Variants in SSBP2 observed in about 807,000 individuals in gnomAD.
SSBP2 encodes the protein single stranded DNA binding protein 2, also known as single-stranded DNA-binding protein 2.
A neutral mutation model predicts 61.8 loss-of-function variants in SSBP2; 17 were observed. The ratio of observed to expected loss-of-function variants is 0.28; its 90% CI spans 0.19 to 0.41. The LOEUF is 0.41. SSBP2 is among the 10% of genes least tolerant of loss of function. The pLI, the probability that SSBP2 is intolerant of heterozygous loss-of-function variation, is 1.00. For missense variants in SSBP2, 310 were observed against 458.7 expected (o/e 0.68, Z 2.96); for synonymous variants, 139 against 141.3 (o/e 0.98, Z 0.12).
chr5:81,537,107 C>T (rs899790906), intron 4 of SSBP2, among the ~76,000 whole-genome samples: 1 of 152,044 alleles, frequency 6.6e-6, no homozygotes, highest in African/African-American at 2.4e-5. Context: ...AGTTGACTTT[C>T]TCCAAAAAAG....
At chr5:81,526,545 A>C (rs1296059418) in intron 4 of SSBP2, among the ~76,000 whole-genome samples, 2 of 152,024 alleles carry the variant, frequency 1.3e-5, no homozygotes, top group African/African-American at 4.8e-5. Flanking sequence ...TTTGAAGTAA[A>C]AAATTTAAAT....
intron 1 of SSBP2, among the ~76,000 whole-genome samples, chr5:81,668,311 A>T (rs2153777404): frequency 6.6e-6 from 1 of 151,404 alleles, no homozygotes; most frequent in South Asian, 2.1e-4. Context: ...AATAAATTTT[A>T]ATTGTTCAGT....
chr5:81,734,463 G>C (rs753152829), intron 1 of SSBP2, among the ~76,000 whole-genome samples: 1 of 152,098 alleles, frequency 6.6e-6, no homozygotes, highest in Non-Finnish European at 1.5e-5. Context: ...TCCTAGACTT[G>C]TCAGAAGACA....
At chr5:81,686,340 A>G (rs1239937497) in intron 1 of SSBP2, among the ~76,000 whole-genome samples, 1 of 152,238 alleles carries the variant, frequency 6.6e-6, no homozygotes, top group African/African-American at 2.4e-5. Flanking sequence ...ATAAAATGTA[A>G]TATTTACTAA....
intron 4 of SSBP2, among the ~76,000 whole-genome samples, chr5:81,606,587 C>T (rs1034858678): frequency 8.5e-5 from 13 of 152,202 alleles, no homozygotes; most frequent in Non-Finnish European, 5.9e-5. Context: ...CTCCCCATAA[C>T]TTCCTAAATA....
chr5:81,738,464 G>C (rs1412068722), intron 1 of SSBP2, among the ~76,000 whole-genome samples: 1 of 152,088 alleles, frequency 6.6e-6, no homozygotes, highest in African/African-American at 2.4e-5. Flanking sequence ...CTCCAGCCTA[G>C]ACTTCTTCCA....
chr5:81,584,763 A>G (rs1774935341), intron 4 of SSBP2, among the ~76,000 whole-genome samples: 1 of 152,184 alleles, frequency 6.6e-6, no homozygotes. Context: ...TGAGGAAGAT[A>G]CATAATATTT....
intron 2 of SSBP2, among the ~76,000 whole-genome samples, chr5:81,646,069 T>C (rs546759594): frequency 9.7e-4 from 147 of 152,284 alleles, no homozygotes; most frequent in African/African-American, 3.4e-3. Context: ...AAAATCAAGA[T>C]TGGGCAGCTG....
chr5:81,583,280 T>A (rs972976009), intron 4 of SSBP2, among the ~76,000 whole-genome samples: 1 of 151,932 alleles, frequency 6.6e-6, no homozygotes, highest in Non-Finnish European at 1.5e-5. Flanking sequence ...GAAAACTAAT[T>A]ACATCAAATA....
At chr5:81,643,580 A>C (rs944687175) in intron 2 of SSBP2, among the ~76,000 whole-genome samples, 3 of 149,966 alleles carry the variant, frequency 2.0e-5, no homozygotes, top group African/African-American at 4.9e-5. Flanking sequence ...AAATTGAAGT[A>C]AACATTTTTC....
In SSBP2 at chr5:81,415,727, A is replaced by AC. The variant is rs1761280137; in HGVS notation, c.*4776dup. ...GGAGATCGAGACCATCCTGGCTAAC[A>AC]CGGTGAAACCCGGTCTCTACTAAAA... On this transcript the variant is annotated 3_prime_UTR_variant, in exon 17 of 17. Transcript: ENST00000320672. 1 of 151,662 alleles carries AC rather than the reference A, an allele frequency of 6.6e-6. No individual in the cohort carries two copies. 9.4% of individuals were successfully genotyped at this position (151,662 alleles called of 1,614,324 possible).
intron 4 of SSBP2, among the ~76,000 whole-genome samples, chr5:81,542,784 G>A (rs1008785778): frequency 7.0e-6 from 1 of 143,088 alleles, no homozygotes; most frequent in Non-Finnish European, 1.5e-5. Flanking sequence ...GACTTCTCAT[G>A]AAATCTGATG....
chr5:81,713,810 A>C (rs1461841313), intron 1 of SSBP2, among the ~76,000 whole-genome samples: 1 of 152,214 alleles, frequency 6.6e-6, no homozygotes, highest in Non-Finnish European at 1.5e-5. Flanking sequence ...GGAAGAAACA[A>C]ATAATAGGTA....
chr5:81,456,815 A>T (rs1764181715), intron 10 of SSBP2, among the ~76,000 whole-genome samples: 1 of 152,208 alleles, frequency 6.6e-6, no homozygotes, highest in South Asian at 2.1e-4. Flanking sequence ...TTTATATGAC[A>T]AAATTGTGGA....
chr5:81,554,561 A>G (rs1772452211), intron 4 of SSBP2, among the ~76,000 whole-genome samples: 2 of 151,874 alleles, frequency 1.3e-5, no homozygotes, highest in African/African-American at 4.8e-5. Context: ...TCTCTATTGA[A>G]TTAATTTGTT....
At chr5:81,738,899 CCA>C (rs933478047) in intron 1 of SSBP2, among the ~76,000 whole-genome samples, 1 of 151,952 alleles carries the variant, frequency 6.6e-6, no homozygotes, top group Non-Finnish European at 1.5e-5. Context: ...GCACAGTGGC[CCA>C]CGTCTGTAAT....
intron 10 of SSBP2, among the ~76,000 whole-genome samples, chr5:81,457,543 G>C (rs1403663087): frequency 6.6e-6 from 1 of 152,116 alleles, no homozygotes; most frequent in East Asian, 1.9e-4. Context: ...GGGAAAAATA[G>C]TTATTTTATA....
intron 4 of SSBP2, among the ~76,000 whole-genome samples, chr5:81,603,777 A>G (rs780532987): frequency 1.3e-5 from 2 of 152,184 alleles, no homozygotes; most frequent in Non-Finnish European, 2.9e-5. Context: ...CTGAATACTT[A>G]TTGTGTTTTT....
chr5:81,594,833 A>G (rs1038907448), intron 4 of SSBP2, among the ~76,000 whole-genome samples: 2 of 152,154 alleles, frequency 1.3e-5, no homozygotes, highest in African/African-American at 4.8e-5. Context: ...TCTGGGACAC[A>G]TTCAAAGCAG....
Sources: gnomAD v4.1 joint callset for allele counts (sites outside exome capture counted in the v4.1 genomes callset) on GRCh38, gnomAD v4.1.1 for gene constraint, MANE v1.5 for transcripts, NCBI Gene and HGNC (gene_info 2026-07-23, HGNC 2026-07-21) for gene names.